KANK1: variants seen among roughly 807,000 people sequenced by gnomAD.
KANK1 encodes the protein KN motif and ankyrin repeat domain-containing protein 1.
A neutral mutation model predicts 106.2 loss-of-function variants in KANK1; 109 were observed. The observed-to-expected ratio is 1.03, with a 90% CI of 0.88 to 1.20. The LOEUF (loss-of-function observed/expected upper bound fraction) is 1.20. KANK1 is among the 50% of genes most tolerant of loss of function. The probability of loss-of-function intolerance (pLI) is 0.00; values close to 1 mark genes in which losing one functional copy is unlikely to be tolerated. For missense variants in KANK1, 2,399 were observed against 1,710.7 expected, an observed-to-expected ratio of 1.40 and a Z score of -7.10; for synonymous variants, 873 against 652.2, an observed-to-expected ratio of 1.34 and a Z score of -5.16.
At chr9:638,821 C>A (rs1185524067) in intron 1 of KANK1, among the ~76,000 whole-genome samples, 2 of 152,166 alleles carry the variant, frequency 1.3e-5, no homozygotes, top group South Asian at 2.1e-4. Flanking sequence ...GAGAATTATT[C>A]TTCTCTCTGC....
At chr9:722,440 A>AG (rs766097975) in intron 3 of KANK1, among the ~76,000 whole-genome samples, 2 of 152,078 alleles carry the variant, frequency 1.3e-5, no homozygotes, top group African/African-American at 2.4e-5. Flanking sequence ...GTGATTCTAA[A>AG]GGGTAGCTAG....
chr9:573,455 A>G (rs924899977), intron 1 of KANK1, among the ~76,000 whole-genome samples: 2 of 152,008 alleles, frequency 1.3e-5, no homozygotes, highest in Non-Finnish European at 2.9e-5. Context: ...TATTTTTAGT[A>G]GAAATAGGGT....
chr9:652,669 T>C (rs1841174500), intron 1 of KANK1, among the ~76,000 whole-genome samples: 1 of 152,198 alleles, frequency 6.6e-6, no homozygotes, highest in Admixed American at 6.5e-5. Context: ...ATGACTATAA[T>C]ATGAAGTTAA....
chr9:621,938 C>A (rs1833236686), intron 1 of KANK1, among the ~76,000 whole-genome samples: 1 of 152,140 alleles, frequency 6.6e-6, no homozygotes, highest in African/African-American at 2.4e-5. Flanking sequence ...AGCCCTGGTG[C>A]TGCCGAAGCC....
intron 1 of KANK1, among the ~76,000 whole-genome samples, chr9:617,149 A>C (rs1026048100): frequency 6.6e-6 from 1 of 152,112 alleles, no homozygotes; most frequent in Non-Finnish European, 1.5e-5. Flanking sequence ...CATTATGTCT[A>C]ATAAAATATA....
chr9:544,667 A>G (rs576181789), intron 1 of KANK1, among the ~76,000 whole-genome samples: 4 of 152,214 alleles, frequency 2.6e-5, no homozygotes, highest in African/African-American at 9.6e-5. Flanking sequence ...TACTGGGAAC[A>G]TTAATGGGAG....
intron 1 of KANK1, among the ~76,000 whole-genome samples, chr9:580,504 G>A (rs1821795109): frequency 6.6e-6 from 1 of 152,212 alleles, no homozygotes; most frequent in Non-Finnish European, 1.5e-5. Flanking sequence ...TTTTGACAGG[G>A]TGCTGATTGG....
Position 713,130 on chromosome 9 carries a change from G to A in KANK1, c.2364G>A (p.Val788=). ...CTTGTGGGCCACCACAGTTGACTGT[G>A]GGGCTGACAGCCAGCAGAAGGAGCG... The part of the protein sequence containing the change: ...TIACGPPQLT[V]GLTASRRSVG... Residue 788 remains valine (V), a synonymous_variant, in exon 3 of 12, where the codon GTG becomes GTA. Transcript: ENST00000382297. The A allele has an allele frequency of 6.2e-7, 1 of 1,600,086 alleles. No homozygotes were observed. The highest frequency in any genetic ancestry group is 8.5e-7 in the Non-Finnish European group (1 of 1,171,142).
upstream of KANK1, among the ~76,000 whole-genome samples, chr9:501,613 T>G: frequency 6.7e-6 from 1 of 148,432 alleles, no homozygotes; most frequent in Non-Finnish European, 1.5e-5. Context: ...CGCACAGACA[T>G]ACACACACAC....
intron 1 of KANK1, among the ~76,000 whole-genome samples, chr9:544,412 G>C (rs2060802774): frequency 6.6e-6 from 1 of 152,146 alleles, no homozygotes; most frequent in East Asian, 1.9e-4. Context: ...TACCGCATCT[G>C]GTGCAGAGAG....
chr9:561,398 G>A (rs1816402883), intron 1 of KANK1, among the ~76,000 whole-genome samples: 1 of 152,088 alleles, frequency 6.6e-6, no homozygotes, highest in African/African-American at 2.4e-5. Context: ...CTCTGTATGA[G>A]TGCACTCTTA....
At chr9:617,568 G>A (rs564633759) in intron 1 of KANK1, among the ~76,000 whole-genome samples, 106 of 152,288 alleles carry the variant, frequency 7.0e-4, no homozygotes, top group African/African-American at 2.5e-3. Flanking sequence ...CACCTTTACA[G>A]CTACTTGATG....
At chr9:496,010 C>G (rs927543640) in intron 3 of KANK1, among the ~76,000 whole-genome samples, 5 of 152,130 alleles carry the variant, frequency 3.3e-5, no homozygotes, top group Admixed American at 1.3e-4. Context: ...TACACTGTCC[C>G]AGCTGGAAGG....
Position 564,528 on chromosome 9 carries a change from T to C in KANK1, c.-84+59774T>C, listed in dbSNP as rs140860749. Among the ~76,000 whole-genome samples, 649 of 152,370 alleles carry C rather than the reference T, an allele frequency of 4.3e-3. 8 individuals are homozygous for C. The highest frequency in any genetic ancestry group is 0.015 in the African/African-American group (613 of 41,586). On this transcript the variant is annotated intron_variant, in intron 1 of 11. Coordinates refer to ENST00000382297, the MANE Select transcript of KANK1 (RefSeq NM_015158.5). ...GATATATGTTCAGATTGTTTTATGC[T>C]AATATGAAACATACATAGTTGCAAT...
intron 1 of KANK1, among the ~76,000 whole-genome samples, chr9:522,978 G>A (rs2059617343): frequency 6.6e-6 from 1 of 151,678 alleles, no homozygotes; most frequent in Non-Finnish European, 1.5e-5. Flanking sequence ...GATGGATAAT[G>A]CAAAACATGA....
At chr9:718,341 C>G (rs1340423447) in intron 3 of KANK1, among the ~76,000 whole-genome samples, 3 of 121,340 alleles carry the variant, frequency 2.5e-5, no homozygotes, top group African/African-American at 9.1e-5. Flanking sequence ...AAGACAGGGT[C>G]TCACTCTGTC....
intron 1 of KANK1, among the ~76,000 whole-genome samples, chr9:609,592 T>C (rs897426491): frequency 1.3e-5 from 2 of 152,062 alleles, no homozygotes; most frequent in African/African-American, 4.8e-5. Context: ...ATCGCTCCAC[T>C]GTACTCCAGC....
At chr9:527,182 T>C (rs969735389) in intron 1 of KANK1, among the ~76,000 whole-genome samples, 2 of 151,784 alleles carry the variant, frequency 1.3e-5, no homozygotes, top group Non-Finnish European at 2.9e-5. Flanking sequence ...CCTGAAGGCG[T>C]CCCTTCTGAA....
chr9:677,774 C>T (rs1041199056), intron 2 of KANK1: 1 of 152,162 alleles, frequency 6.6e-6, no homozygotes, highest in African/African-American at 2.4e-5. Flanking sequence ...ACTCCTACGT[C>T]TGCTGGCTCT....
Sources: gnomAD v4.1 joint callset for allele counts (sites outside exome capture counted in the v4.1 genomes callset) on GRCh38, gnomAD v4.1.1 for gene constraint, MANE v1.5 for transcripts, NCBI Gene and HGNC (gene_info 2026-07-23, HGNC 2026-07-21) for gene names.